Variants in NDUFS6 observed in about 807,000 individuals in gnomAD.
The protein encoded by NDUFS6 is NADH:ubiquinone oxidoreductase subunit S6.
A neutral mutation model predicts 13.2 loss-of-function variants in NDUFS6; 14 were observed. The ratio of observed to expected loss-of-function variants is 1.06; its 90% CI spans 0.70 to 1.66. NDUFS6 has a LOEUF of 1.66. Among genes scored for constraint, NDUFS6 ranks in the 40% most tolerant of loss-of-function variants. The probability of loss-of-function intolerance (pLI) is 0.00; values close to 1 mark genes in which losing one functional copy is unlikely to be tolerated. For missense variants in NDUFS6, 206 were observed against 170.8 expected, an observed-to-expected ratio of 1.21 and a Z score of -1.15; for synonymous variants, 95 against 72.3, an observed-to-expected ratio of 1.31 and a Z score of -1.60.
intron 2 of NDUFS6, among the ~76,000 whole-genome samples, chr5:1,811,633 C>T (rs547067453): frequency 5.6e-4 from 85 of 152,288 alleles, no homozygotes; most frequent in Non-Finnish European, 1.0e-3. Flanking sequence ...GGGTCATTTC[C>T]TCTGTAGAGT....
intron 3 of NDUFS6, among the ~76,000 whole-genome samples, chr5:1,815,148 A>AG (rs1734288343): frequency 6.6e-6 from 1 of 152,096 alleles, no homozygotes; most frequent in Non-Finnish European, 1.5e-5. Flanking sequence ...AGGACCATTG[A>AG]GAAAAAAAAG....
Position 1,814,539 on chromosome 5 carries a change from C to A in NDUFS6, c.309+78C>A. On this transcript the variant is annotated intron_variant, in intron 3 of 3. Transcript: ENST00000274137. The surrounding 1 kb of genome is among the most constrained non-coding windows in gnomAD (Gnocchi z 4.9). Reference sequence around the variant, plus strand: ...CTCCCCTTCACTCCCAGTGCCTGTTCTTTCTGTCCTCTTCTCTACCTGCTC... The same window carrying A: ...CTCCCCTTCACTCCCAGTGCCTGTTATTTCTGTCCTCTTCTCTACCTGCTC... 6.2e-7 allele frequency: 1 copy of A among 1,606,250 alleles called. No homozygotes were observed. The highest frequency in any genetic ancestry group is 1.1e-5 in the South Asian group (1 of 90,562).
chr5:1,807,838 G>A (rs1734151213), intron 2 of NDUFS6, among the ~76,000 whole-genome samples: 1 of 152,218 alleles, frequency 6.6e-6, no homozygotes, highest in Non-Finnish European at 1.5e-5. Context: ...GAGCTGAGAG[G>A]GAGTGCTGAG....
chr5:1,804,645 C>T (rs1734096983), intron 2 of NDUFS6, among the ~76,000 whole-genome samples: 1 of 152,218 alleles, frequency 6.6e-6, no homozygotes, highest in African/African-American at 2.4e-5. Context: ...GTGTTTAGTA[C>T]TATTTTTAGT....
At chr5:1,808,152 G>A (rs1317911691) in intron 2 of NDUFS6, among the ~76,000 whole-genome samples, 2 of 152,180 alleles carry the variant, frequency 1.3e-5, no homozygotes, top group African/African-American at 4.8e-5. Flanking sequence ...TTGCTTCCAG[G>A]TTCATCCTTA....
intron 2 of NDUFS6, among the ~76,000 whole-genome samples, chr5:1,805,422 A>G (rs1734108032): frequency 1.3e-5 from 2 of 152,280 alleles, no homozygotes; most frequent in African/African-American, 2.4e-5. Context: ...CTTTGCAGAA[A>G]AACAGTGGAA....
At position 1,814,232 on chromosome 5, in the gene NDUFS6, A is replaced by G. The variant is rs1221194682; in HGVS notation, c.187-107A>G. The G allele has an allele frequency of 6.8e-7, 1 of 1,465,158 alleles. No individual in the cohort carries two copies. Among genetic ancestry groups the G allele is most frequent in the Admixed American group, 1.7e-5 (1 of 59,762 alleles). 90.8% of individuals were successfully genotyped at this position (1,465,158 alleles called of 1,614,324 possible). ...ATGATAATAGTTAAATGAAGCATGC[A>G]CCATAGATTCGTGCTGATGGTACAT... is the stretch of plus-strand genomic sequence containing the variant. On this transcript the variant is annotated intron_variant, in intron 2 of 3. Transcript: ENST00000274137. This position sits in a 1 kb window ranked among gnomAD's most constrained non-coding sequence, Gnocchi z 4.9.
intron 2 of NDUFS6, among the ~76,000 whole-genome samples, chr5:1,812,224 G>A (rs575653344): frequency 2.6e-5 from 4 of 152,084 alleles, no homozygotes; most frequent in African/African-American, 7.2e-5. Flanking sequence ...CCAGGAGCCC[G>A]CTCACCACCT....
At chr5:1,810,944 TC>T (rs1490228981) in intron 2 of NDUFS6, among the ~76,000 whole-genome samples, 1 of 152,220 alleles carries the variant, frequency 6.6e-6, no homozygotes, top group Non-Finnish European at 1.5e-5. Flanking sequence ...GGCTTCTCTT[TC>T]GCCTCTGCCA....
chr5:1,806,539 G>A (rs17535721), intron 2 of NDUFS6, among the ~76,000 whole-genome samples: 34,160 of 152,184 alleles, frequency 0.22, 3,965 homozygotes, highest in Admixed American at 0.28. Context: ...CTGGCGTGCT[G>A]TTTTGTTGCG....
In NDUFS6 at chr5:1,815,929, G is replaced by T; in HGVS notation, c.*13G>T. 2.5e-6 allele frequency: 4 copies of T among 1,614,170 alleles called. No homozygotes were observed. The highest frequency in any genetic ancestry group is 3.4e-6 in the Non-Finnish European group (4 of 1,179,976). On this transcript the variant is annotated 3_prime_UTR_variant, in exon 4 of 4. Coordinates refer to ENST00000274137, the MANE Select transcript of NDUFS6 (RefSeq NM_004553.6). ...GCACCACCACTAGAGCGTGTGGCAC[G>T]CCGGGGGTCCCGCAGCATCCTGTGA...
At chr5:1,802,448 A>ATC (rs1422378046) in intron 2 of NDUFS6, 74 bp downstream of exon 2, 1 of 1,218,638 alleles carries the variant, frequency 8.2e-7, no homozygotes, top group Non-Finnish European at 1.2e-6. Context: ...ATAAAAATTA[A>ATC]TATATAAGAT....
chr5:1,809,694 T>C (rs1026576932), intron 2 of NDUFS6, among the ~76,000 whole-genome samples: 5 of 152,250 alleles, frequency 3.3e-5, no homozygotes, highest in Non-Finnish European at 4.4e-5. Context: ...GTGCGGCCTT[T>C]GTGACACGTT....
intron 2 of NDUFS6, among the ~76,000 whole-genome samples, chr5:1,804,952 G>T (rs1734100695): frequency 6.6e-6 from 1 of 152,154 alleles, no homozygotes. Context: ...AATCCTCTGT[G>T]CTCTGCCTGT....
At chr5:1,810,390 C>T (rs1358958202) in intron 2 of NDUFS6, among the ~76,000 whole-genome samples, 1 of 152,146 alleles carries the variant, frequency 6.6e-6, no homozygotes, top group East Asian at 1.9e-4. Flanking sequence ...TGCCGGCGCT[C>T]TACTTCCCAT....
intron 2 of NDUFS6, among the ~76,000 whole-genome samples, chr5:1,804,542 C>T (rs962909833): frequency 6.6e-6 from 1 of 152,256 alleles, no homozygotes; most frequent in Non-Finnish European, 1.5e-5. Flanking sequence ...GTCCAGGGCA[C>T]GTCTTGGCCT....
intron 2 of NDUFS6, among the ~76,000 whole-genome samples, chr5:1,807,490 A>G (rs1445025591): frequency 6.6e-6 from 1 of 152,182 alleles, no homozygotes; most frequent in East Asian, 1.9e-4. Context: ...AGGCCCACGC[A>G]GGAATTGACC....
In NDUFS6 at chr5:1,814,424, G is replaced by C. The variant is rs1238744035; in HGVS notation, c.272G>C (p.Gly91Ala). Residue 91 changes from glycine (G) to alanine (A), a missense_variant, in exon 3 of 4, where the codon GGG (glycine) becomes GCG (alanine). Transcript: ENST00000274137. This position sits in a 1 kb window ranked among gnomAD's most constrained non-coding sequence, Gnocchi z 4.9. The stretch of plus-strand genomic sequence containing the variant: ...CGGGTGATAGCGTGCGATGGCGGCG[G>C]GGGAGCTCTTGGCCACCCAAAAGTG... The part of the protein sequence containing the change: ...ETRVIACDGG[G>A]GALGHPKVYI... 3 of 1,614,026 alleles carry C rather than the reference G, an allele frequency of 1.9e-6. No individual in the cohort carries two copies. The highest frequency in any genetic ancestry group is 2.7e-5 in the African/African-American group (2 of 74,902).
intron 2 of NDUFS6, among the ~76,000 whole-genome samples, chr5:1,808,363 A>C (rs1431173207): frequency 6.6e-6 from 1 of 152,236 alleles, no homozygotes; most frequent in African/African-American, 2.4e-5. Context: ...GAGTGAAGGC[A>C]ATCGGATTTT....
Sources: allele counts gnomAD v4.1 joint callset (sites outside exome capture counted in the v4.1 genomes callset), GRCh38; gene constraint gnomAD v4.1.1; non-coding constraint Gnocchi (gnomAD v3.1); transcripts MANE v1.5; gene names NCBI Gene and HGNC (gene_info 2026-07-23, HGNC 2026-07-21).